The following DNAH11 variants were observed in gnomAD, a reference collection of about 807,000 sequenced individuals.
DNAH11 encodes the protein axonemal beta dynein heavy chain 11.
A neutral mutation model predicts 526.0 loss-of-function variants in DNAH11; 442 were observed. That is an observed-to-expected ratio of 0.84 (90% confidence interval 0.78 to 0.91). The LOEUF is 0.91. Ranked by LOEUF, DNAH11 falls within the 40% of genes least tolerant of loss-of-function variation. The pLI is 0.00. For synonymous variants in DNAH11, 2,461 were observed against 1,935.9 expected (o/e 1.27, Z -7.12); for missense variants, 6,989 against 5,448.7 (o/e 1.28, Z -8.90).
intron 61 of DNAH11, among the ~76,000 whole-genome samples, chr7:21,791,429 C>A (rs999960706): frequency 2.6e-5 from 4 of 152,130 alleles, no homozygotes; most frequent in African/African-American, 9.7e-5. Context: ...CAACTTGATC[C>A]CCCATCTCTA....
intron 20 of DNAH11, among the ~76,000 whole-genome samples, chr7:21,613,731 A>G (rs1450232374): frequency 1.3e-5 from 2 of 152,312 alleles, no homozygotes; most frequent in Non-Finnish European, 2.9e-5. Context: ...TAATGCATAT[A>G]TTAATTAGCT....
rs1354416117 is a variant in DNAH11 at position 21,599,790 on chromosome 7, A to G, written c.2671A>G (p.Asn891Asp). 2.6e-6 allele frequency: 4 copies of G among 1,536,242 alleles called. No homozygotes were observed. The highest frequency in any genetic ancestry group is 8.8e-7 in the Non-Finnish European group (1 of 1,141,810). The change falls in exon 15 of 82, where the codon AAT (asparagine) becomes GAT (aspartate). Residue 891 changes from asparagine to aspartate, a missense_variant. Coordinates refer to ENST00000409508, the MANE Select transcript of DNAH11 (RefSeq NM_001277115.2). ...ACTAATACTTGTCTGTTTCTAGGAAAATAGGAAGCTCTTCAAAGCCAATCC... is the reference window on the plus strand; with the variant it reads ...ACTAATACTTGTCTGTTTCTAGGAAGATAGGAAGCTCTTCAAAGCCAATCC... Reference protein sequence around the residue: ...GCKIHNLVEENRKLFKANPSL... With the variant: ...GCKIHNLVEEDRKLFKANPSL...
At chr7:21,695,525 A>G (rs565374800) in intron 35 of DNAH11, among the ~76,000 whole-genome samples, 5 of 152,314 alleles carry the variant, frequency 3.3e-5, no homozygotes, top group African/African-American at 9.6e-5. Context: ...TGGTGCTGGT[A>G]AAACTGGCTA....
intron 31 of DNAH11, among the ~76,000 whole-genome samples, chr7:21,682,378 T>G (rs2128472590): frequency 6.6e-6 from 1 of 151,798 alleles, no homozygotes; most frequent in East Asian, 1.9e-4. Flanking sequence ...TACAAAAAAT[T>G]AGCCAAGTGT....
At chr7:21,641,622 A>G (rs1787134203) in intron 28 of DNAH11, among the ~76,000 whole-genome samples, 1 of 152,242 alleles carries the variant, frequency 6.6e-6, no homozygotes. Context: ...TGCCTTAGCT[A>G]AACTACATGT....
intron 2 of DNAH11, among the ~76,000 whole-genome samples, chr7:21,557,835 C>T (rs543844785): frequency 6.6e-6 from 1 of 152,300 alleles, no homozygotes; most frequent in Admixed American, 6.5e-5. Flanking sequence ...CTTATCTTGA[C>T]TGTCATAGTT....
In DNAH11 at chr7:21,544,997, T is replaced by C. The variant is rs368962157; in HGVS notation, c.352-9T>C. 1.5e-4 allele frequency: 232 copies of C among 1,567,840 alleles called. 2 individuals are homozygous for C. The African/African-American group carries it at 2.9e-3, about 19-fold the overall frequency. ...ACTACTTGAACTAATTATCTTGCTCTTGTTTTAGATTCCAAGAGATGCAAA... is the reference window on the plus strand; with the variant it reads ...ACTACTTGAACTAATTATCTTGCTCCTGTTTTAGATTCCAAGAGATGCAAA... On this transcript the variant is annotated splice_polypyrimidine_tract_variant and intron_variant, in intron 1 of 81. Coordinates refer to ENST00000409508, the MANE Select transcript of DNAH11 (RefSeq NM_001277115.2).
At chr7:21,851,352 G>A (rs1178708261) in intron 66 of DNAH11, 2 of 303,806 alleles carry the variant, frequency 6.6e-6, no homozygotes, top group South Asian at 6.3e-5. Context: ...CAGCTATACG[G>A]AACTATGAGT....
chr7:21,897,922 T>C (rs966950813), intron 79 of DNAH11, among the ~76,000 whole-genome samples: 2 of 152,220 alleles, frequency 1.3e-5, no homozygotes, highest in African/African-American at 4.8e-5. Flanking sequence ...TGGCCTCATT[T>C]CAGCTTTCAT....
At chr7:21,650,865 C>A (rs906858161) in intron 28 of DNAH11, among the ~76,000 whole-genome samples, 1 of 151,650 alleles carries the variant, frequency 6.6e-6, no homozygotes, top group African/African-American at 2.4e-5. Context: ...GTCTCGAACT[C>A]CTGACCTCAG....
At chr7:21,544,667 C>T (rs1344870958) in intron 1 of DNAH11, among the ~76,000 whole-genome samples, 1 of 125,258 alleles carries the variant, frequency 8.0e-6, no homozygotes, top group Non-Finnish European at 1.8e-5. Context: ...AAAAAATAAC[C>T]CTTTAGGATT....
chr7:21,868,124 T>C (rs890492705), intron 72 of DNAH11, 117 bp downstream of exon 72: 75 of 912,378 alleles, frequency 8.2e-5, no homozygotes, highest in Non-Finnish European at 1.1e-4. Context: ...TTTTTTTAAT[T>C]TGTTGAAGAT....
Position 21,681,704 on chromosome 7 carries a change from A to G in DNAH11, c.5460+27A>G, listed in dbSNP as rs576344987. On this transcript the variant is annotated intron_variant, in intron 31 of 81. Transcript: ENST00000409508. ...CAAGTTGTTTGTAGAAATTTTATGT[A>G]TTCATTATTGTTTCCTGAAAGTGGT... 1.4e-5 allele frequency: 22 copies of G among 1,613,268 alleles called. No individual in the cohort carries two copies. In the East Asian group the frequency reaches 4.2e-4, roughly 31 times the overall value.
intron 30 of DNAH11, among the ~76,000 whole-genome samples, chr7:21,668,749 T>G (rs1296775196): frequency 6.6e-6 from 1 of 152,214 alleles, no homozygotes; most frequent in African/African-American, 2.4e-5. Context: ...ACTTGACATT[T>G]GGGTTTCCAG....
intron 61 of DNAH11, among the ~76,000 whole-genome samples, chr7:21,794,215 G>C (rs1293995335): frequency 1.3e-5 from 2 of 152,034 alleles, no homozygotes; most frequent in Non-Finnish European, 2.9e-5. Context: ...TGATCTGAGA[G>C]CTCCCACATC....
At chr7:21,549,070 G>A (rs961799423) in intron 2 of DNAH11, among the ~76,000 whole-genome samples, 1 of 152,070 alleles carries the variant, frequency 6.6e-6, no homozygotes, top group South Asian at 2.1e-4. Context: ...GTAGAGACAG[G>A]GTTTCGCCAT....
Position 21,786,676 on chromosome 7 carries a change from A to G in DNAH11, c.9650A>G (p.Asn3217Ser), listed in dbSNP as rs369429781. 18 of 1,613,550 alleles carry G rather than the reference A, an allele frequency of 1.1e-5. No individual in the cohort carries two copies. The African/African-American group carries it at 1.5e-4, about 13-fold the overall frequency. Residue 3217 changes from asparagine to serine, a missense_variant, in exon 59 of 82, where the codon AAT becomes AGT. Coordinates refer to ENST00000409508, the MANE Select transcript of DNAH11 (RefSeq NM_001277115.2). ...AFPNPPIAVT[N>S]VTAAVMVLLA... is the part of the protein sequence containing the mutation. ...CCCAACCCTCCCATCGCAGTTACCA[A>G]TGTTACTGCAGCCGTGATGGTCCTT... is the stretch of plus-strand genomic sequence containing the variant.
At chr7:21,855,321 G>A (rs886608160) in intron 68 of DNAH11, among the ~76,000 whole-genome samples, 12 of 152,206 alleles carry the variant, frequency 7.9e-5, no homozygotes, top group African/African-American at 2.4e-4. Flanking sequence ...GTGAGCCACC[G>A]CACCTGGCCA....
intron 72 of DNAH11, 31 bp downstream of exon 72, chr7:21,868,038 C>T (rs1182330300): frequency 4.8e-6 from 7 of 1,456,218 alleles, no homozygotes; most frequent in South Asian, 1.5e-5. Flanking sequence ...CTGGCCCGCC[C>T]CTTCTCCCTC....
Sources: gnomAD v4.1 joint callset for allele counts (sites outside exome capture counted in the v4.1 genomes callset) on GRCh38, gnomAD v4.1.1 for gene constraint, MANE v1.5 for transcripts, NCBI Gene and HGNC (gene_info 2026-07-23, HGNC 2026-07-21) for gene names.